Variants in SUFU observed in about 807,000 individuals in gnomAD.
The protein encoded by SUFU is suppressor of fused homolog.
SUFU carries 7 observed loss-of-function variants against 58.9 expected under a neutral mutation model. That is an observed-to-expected ratio of 0.12 (90% CI 0.07 to 0.22). The LOEUF is 0.22. Among genes scored for constraint, SUFU ranks in the 10% least tolerant of loss-of-function variants. The pLI is 1.00. For missense variants in SUFU, 451 were observed against 641.3 expected, an observed-to-expected ratio of 0.70 and a Z score of 3.20; for synonymous variants, 232 against 254.8, an observed-to-expected ratio of 0.91 and a Z score of 0.85.
Position 102,631,213 on chromosome 10 carries a change from A to C in SUFU, c.*1058A>C. On this transcript the variant is annotated 3_prime_UTR_variant, in exon 12 of 12. Transcript: ENST00000369902. ...AGGGCTGCCTTACTAAAATTGAAAA[A>C]TCCACCTCTTAACATCTCTTTCACT... 1 of 233,376 alleles carries C rather than the reference A, an allele frequency of 4.3e-6. No homozygotes were observed. Among genetic ancestry groups the C allele is most frequent in the Non-Finnish European group, 8.5e-6 (1 of 118,190 alleles). The allele number at this position is 233,376 out of a possible 1,614,324, so 14.5% of individuals were successfully genotyped here.
chr10:102,619,156 G>A lies in SUFU; in HGVS notation c.1296+1728G>A. The A allele has an allele frequency of 5.6e-6, 9 of 1,611,536 alleles. No individual in the cohort carries two copies. Among genetic ancestry groups the A allele is most frequent in the Non-Finnish European group, 6.8e-6 (8 of 1,179,780 alleles). On this transcript the variant is annotated intron_variant, in intron 10 of 11. Coordinates refer to ENST00000369902, the MANE Select transcript of SUFU (RefSeq NM_016169.4). This position sits in a 1 kb window ranked among gnomAD's most constrained non-coding sequence, Gnocchi z 4.2. Reference sequence around the variant, plus strand: ...TAGTCAGCATCTCCAATTTTCAGCAGCTCAAGAACCTTGGCCCCCACAGGA... The same window carrying A: ...TAGTCAGCATCTCCAATTTTCAGCAACTCAAGAACCTTGGCCCCCACAGGA...
chr10:102,526,251 A>C (rs1256443886), intron 2 of SUFU, among the ~76,000 whole-genome samples: 1 of 151,994 alleles, frequency 6.6e-6, no homozygotes, highest in South Asian at 2.1e-4. Flanking sequence ...GTCTCTTAAA[A>C]AAATGAAAGT....
At chr10:102,599,375 G>C (rs1221690475) in intron 7 of SUFU, 58 bp from the exon 8 acceptor site, 1 of 1,319,258 alleles carries the variant, frequency 7.6e-7, no homozygotes, top group Non-Finnish European at 1.1e-6. Context: ...TTCAAGAGCG[G>C]GGTGAGAATT....
chr10:102,524,606 C>G (rs765377387), intron 2 of SUFU, among the ~76,000 whole-genome samples: 3 of 152,154 alleles, frequency 2.0e-5, no homozygotes, highest in Non-Finnish European at 4.4e-5. Flanking sequence ...CAGGCGTGAG[C>G]CACCGTGCCC....
intron 8 of SUFU, among the ~76,000 whole-genome samples, chr10:102,609,828 G>A (rs2063604564): frequency 6.6e-6 from 1 of 152,128 alleles, no homozygotes; most frequent in African/African-American, 2.4e-5. Flanking sequence ...TTGGCAGACT[G>A]GAAGTACTCG....
intron 3 of SUFU, among the ~76,000 whole-genome samples, chr10:102,561,054 G>T (rs996646104): frequency 6.6e-6 from 1 of 152,150 alleles, no homozygotes; most frequent in African/African-American, 2.4e-5. Flanking sequence ...TGTTGCCCAG[G>T]CTGATCTCGA....
intron 2 of SUFU, among the ~76,000 whole-genome samples, chr10:102,541,697 CTTTTT>C (rs869264798): frequency 1.4e-4 from 8 of 56,094 alleles, no homozygotes; most frequent in South Asian, 2.0e-3. Flanking sequence ...CCGCGCCCGG[CTTTTT>C]TTTTTTTTTT....
rs868553547 is a variant in SUFU, at chr10:102,619,225, C to T, written c.1296+1797C>T. On this transcript the variant is annotated intron_variant, in intron 10 of 11. Coordinates refer to ENST00000369902, the MANE Select transcript of SUFU (RefSeq NM_016169.4). This position sits in a 1 kb window ranked among gnomAD's most constrained non-coding sequence, Gnocchi z 4.2. ...GCCCCTCAGTCCCCTGAATGCCCTT[C>T]GGACCCAACCCCAATTCCCCAAGCC... is the stretch of plus-strand genomic sequence containing the variant. The T allele has an allele frequency of 9.7e-6, 15 of 1,539,718 alleles. No homozygotes were observed. Among genetic ancestry groups the T allele is most frequent in the Middle Eastern group, 4.0e-4 (2 of 4,970 alleles).
At chr10:102,519,369 C>A (rs920811071) in intron 2 of SUFU, among the ~76,000 whole-genome samples, 1 of 151,260 alleles carries the variant, frequency 6.6e-6, no homozygotes, top group Non-Finnish European at 1.5e-5. Flanking sequence ...CTAAAAAAAA[C>A]CACGAAAATT....
At chr10:102,547,634 G>A (rs552152677) in intron 2 of SUFU, among the ~76,000 whole-genome samples, 15 of 152,280 alleles carry the variant, frequency 9.9e-5, no homozygotes, top group Middle Eastern at 3.4e-3. Context: ...ACTAGCCTAG[G>A]CAATGTGTTG....
In SUFU at chr10:102,630,694, T is replaced by C. The variant is rs1447848010; in HGVS notation, c.*539T>C. 6.9e-6 allele frequency: 2 copies of C among 288,526 alleles called. No homozygotes were observed. The highest frequency in any genetic ancestry group is 1.3e-5 in the Non-Finnish European group (2 of 150,686). The allele number at this position is 288,526 out of a possible 1,614,324, so 17.9% of individuals were successfully genotyped here. A position where few individuals can be genotyped will look rare whatever the true frequency, so the allele number is the denominator to read the frequency against. On this transcript the variant is annotated 3_prime_UTR_variant, in exon 12 of 12. Coordinates refer to ENST00000369902, the MANE Select transcript of SUFU (RefSeq NM_016169.4). Reference sequence around the variant, plus strand: ...GAAACCGGGTGGTATTTTATTGCTCTGCAAAGATGTCCAGAAGCCATGTAT... The same window carrying C: ...GAAACCGGGTGGTATTTTATTGCTCCGCAAAGATGTCCAGAAGCCATGTAT...
rs1173114563 is a variant in SUFU at position 102,504,082 on chromosome 10, C to T, written c.-71C>T. The T allele has an allele frequency of 6.7e-7, 1 of 1,484,910 alleles. No homozygotes were observed. The highest frequency in any genetic ancestry group is 8.9e-7 in the Non-Finnish European group (1 of 1,122,814). 92.0% of individuals were successfully genotyped at this position (1,484,910 alleles called of 1,614,324 possible). A position where few individuals can be genotyped will look rare whatever the true frequency, so the allele number is the denominator to read the frequency against. On this transcript the variant is annotated 5_prime_UTR_variant, in exon 1 of 12. Coordinates refer to ENST00000369902, the MANE Select transcript of SUFU (RefSeq NM_016169.4). ...GGGAGTCTCACCCACCGAGTCCGCC[C>T]GCTGGCCCGTCAGTGCTCTCCCCGT...
At chr10:102,511,741 C>T (rs1043089293) in intron 2 of SUFU, among the ~76,000 whole-genome samples, 4 of 152,044 alleles carry the variant, frequency 2.6e-5, no homozygotes, top group East Asian at 1.9e-4. Flanking sequence ...GACAGGGTCA[C>T]GCTCTGTCAC....
Position 102,633,296 on chromosome 10 carries a change from A to C in SUFU, c.*3141A>C, listed in dbSNP as rs2063853152. Reference sequence around the variant, plus strand: ...GCTGCGACAAGCAGATTTTTGTAAAATTTTATATTAGTTTTTAATGTCAGT... The same window carrying C: ...GCTGCGACAAGCAGATTTTTGTAAACTTTTATATTAGTTTTTAATGTCAGT... On this transcript the variant is annotated 3_prime_UTR_variant, in exon 12 of 12. Transcript: ENST00000369902. 1 of 233,116 alleles carries C rather than the reference A, an allele frequency of 4.3e-6. No homozygotes were observed. The highest frequency in any genetic ancestry group is 2.2e-5 in the African/African-American group (1 of 45,408). 14.4% of individuals were successfully genotyped at this position (233,116 alleles called of 1,614,324 possible). A position where few individuals can be genotyped will look rare whatever the true frequency, so the allele number is the denominator to read the frequency against.
rs188380995 is a variant in SUFU at position 102,620,467 on chromosome 10, C to A, written c.1296+3039C>A. Among the ~76,000 whole-genome samples the A allele has an allele frequency of 1.2e-4, 19 of 152,338 alleles. No individual in the cohort carries two copies. The East Asian group carries it at 3.7e-3, about 29-fold the overall frequency. On this transcript the variant is annotated intron_variant, in intron 10 of 11. Transcript: ENST00000369902. Reference sequence around the variant, plus strand: ...GGCCCCAGCATGTGGCAAAGCAGGGCTTGTCTGCAGCACCAGGTGGAGCAC... The same window carrying A: ...GGCCCCAGCATGTGGCAAAGCAGGGATTGTCTGCAGCACCAGGTGGAGCAC...
intron 2 of SUFU, among the ~76,000 whole-genome samples, chr10:102,514,733 T>A (rs1253266669): frequency 4.6e-5 from 7 of 152,184 alleles, no homozygotes; most frequent in Non-Finnish European, 8.8e-5. Context: ...AATGTGGGGA[T>A]CTATGCGGCT....
intron 11 of SUFU, 121 bp downstream of exon 11, chr10:102,627,364 G>A: frequency 2.1e-6 from 2 of 935,948 alleles, no homozygotes; most frequent in South Asian, 1.3e-5. Flanking sequence ...GTGCTTGCAT[G>A]TATCTGTGTG....
chr10:102,517,796 C>T (rs1307994858), intron 2 of SUFU, among the ~76,000 whole-genome samples: 1 of 152,200 alleles, frequency 6.6e-6, no homozygotes, highest in Non-Finnish European at 1.5e-5. Flanking sequence ...AACTTTGCAG[C>T]TTGCTGTCCT....
chr10:102,544,439 G>A (rs545377583), intron 2 of SUFU, among the ~76,000 whole-genome samples: 2 of 152,142 alleles, frequency 1.3e-5, no homozygotes, highest in South Asian at 2.1e-4. Context: ...GGTGGCTGAC[G>A]CCTATAATCC....
Sources: allele counts gnomAD v4.1 joint callset (sites outside exome capture counted in the v4.1 genomes callset), GRCh38; gene constraint gnomAD v4.1.1; non-coding constraint Gnocchi (gnomAD v3.1); transcripts MANE v1.5; gene names NCBI Gene and HGNC (gene_info 2026-07-23, HGNC 2026-07-21).